The following RETREG1 variants were observed in gnomAD, a reference collection of about 807,000 sequenced individuals.
RETREG1 encodes the protein family with sequence similarity 134 member B.
RETREG1 carries 44 observed loss-of-function variants against 54.8 expected under a neutral mutation model. The ratio of observed to expected loss-of-function variants is 0.80; its 90% confidence interval spans 0.63 to 1.03. The LOEUF (loss-of-function observed/expected upper bound fraction) is 1.03. Ranked by LOEUF, RETREG1 falls within the 50% of genes least tolerant of loss-of-function variation. The pLI is 0.00. For synonymous variants in RETREG1, 217 were observed against 238.5 expected (o/e 0.91, Z 0.83); for missense variants, 554 against 605.1 (o/e 0.92, Z 0.89).
intron 3 of RETREG1, among the ~76,000 whole-genome samples, chr5:16,541,909 T>C (rs1167527928): frequency 6.6e-6 from 1 of 152,216 alleles, no homozygotes; most frequent in Non-Finnish European, 1.5e-5. Context: ...GGTTTTAGTC[T>C]TGTTTCCTAA....
intron 1 of RETREG1, among the ~76,000 whole-genome samples, chr5:16,586,996 G>C (rs1167877533): frequency 6.6e-6 from 1 of 152,196 alleles, no homozygotes; most frequent in Non-Finnish European, 1.5e-5. Context: ...CCATTCATGA[G>C]GGCTCCATCC....
At chr5:16,494,729 T>A (rs1159332506) in intron 3 of RETREG1, among the ~76,000 whole-genome samples, 2 of 152,218 alleles carry the variant, frequency 1.3e-5, no homozygotes, top group Non-Finnish European at 2.9e-5. Flanking sequence ...CTCTGGTATT[T>A]CTTTATAGCA....
At chr5:16,569,001 T>A (rs1044791803) in intron 2 of RETREG1, among the ~76,000 whole-genome samples, 2 of 152,140 alleles carry the variant, frequency 1.3e-5, no homozygotes, top group African/African-American at 4.8e-5. Context: ...AGCCGGGGCA[T>A]CTAACAAGAG....
At position 16,616,885 on chromosome 5, in the gene RETREG1, C is replaced by T. The variant is rs1028458629; in HGVS notation, c.87G>A (p.Pro29=). Residue 29 remains proline (P), a synonymous_variant, in exon 1 of 9, where the codon CCG becomes CCA. Transcript: ENST00000306320. ...AEEQAPPSPP[P]PQASPAERQQ... Reference sequence around the variant, plus strand: ...GCCGCTCTGCGGGGGATGCCTGGGGCGGTGGCGGCGACGGCGGCGCCTGCT... The same window carrying T: ...GCCGCTCTGCGGGGGATGCCTGGGGTGGTGGCGGCGACGGCGGCGCCTGCT... 2.7e-6 allele frequency: 4 copies of T among 1,485,114 alleles called. No homozygotes were observed. The highest frequency in any genetic ancestry group is 2.5e-5 in the South Asian group (2 of 78,906). 92.0% of individuals were successfully genotyped at this position (1,485,114 alleles called of 1,614,324 possible).
rs556174247 is a variant in RETREG1 at position 16,499,702 on chromosome 5, T to C, written c.459-16230A>G. Among the ~76,000 whole-genome samples, 7 of 152,346 alleles carry C rather than the reference T, an allele frequency of 4.6e-5. No individual in the cohort carries two copies. In the South Asian group the frequency reaches 1.0e-3, roughly 23 times the overall value. ...CGACACTCATTCACCACCACCACCATCATGTGTGGGTGTCTGCCCACCTCT... is the reference window on the plus strand; with the variant it reads ...CGACACTCATTCACCACCACCACCACCATGTGTGGGTGTCTGCCCACCTCT... On this transcript the variant is annotated intron_variant, in intron 3 of 8. Coordinates refer to ENST00000306320, the MANE Select transcript of RETREG1 (RefSeq NM_001034850.3).
At chr5:16,606,065 T>G (rs1006359143) in intron 1 of RETREG1, among the ~76,000 whole-genome samples, 3 of 150,998 alleles carry the variant, frequency 2.0e-5, no homozygotes, top group African/African-American at 7.3e-5. Context: ...AGAAATAGAG[T>G]GGATAGCCAT....
chr5:16,554,258 C>A (rs911976933), intron 3 of RETREG1, among the ~76,000 whole-genome samples: 1 of 152,244 alleles, frequency 6.6e-6, no homozygotes, highest in African/African-American at 2.4e-5. Context: ...ATTTCCGAGG[C>A]TGGAACCTCT....
intron 3 of RETREG1, among the ~76,000 whole-genome samples, chr5:16,516,861 G>A (rs1028786704): frequency 7.2e-4 from 109 of 152,122 alleles, no homozygotes; most frequent in Non-Finnish European, 2.1e-4. Context: ...AGAACCTTGG[G>A]AGGCAGAGTT....
At chr5:16,478,005 G>A in intron 7 of RETREG1, 29 bp downstream of exon 7, 1 of 1,564,910 alleles carries the variant, frequency 6.4e-7, no homozygotes, top group African/African-American at 1.4e-5. Flanking sequence ...AACCACACAG[G>A]AACAAATTGA....
intron 3 of RETREG1, among the ~76,000 whole-genome samples, chr5:16,538,019 T>A (rs1353198849): frequency 1.3e-5 from 2 of 152,214 alleles, no homozygotes; most frequent in Non-Finnish European, 2.9e-5. Context: ...CCCTTCATTT[T>A]ACTGTGGCCT....
chr5:16,554,231 C>G (rs1248911113), intron 3 of RETREG1, among the ~76,000 whole-genome samples: 1 of 152,224 alleles, frequency 6.6e-6, no homozygotes, highest in Non-Finnish European at 1.5e-5. Flanking sequence ...GGGCCCCCCA[C>G]CTGGAATGAT....
rs74869826 is a variant in RETREG1 at position 16,492,468 on chromosome 5, T to TA, written c.459-8997dup. 8.1e-3 allele frequency among the ~76,000 whole-genome samples: 1,078 copies of TA among 133,850 alleles called. 10 individuals are homozygous for TA. The highest frequency in any genetic ancestry group is 0.011 in the Middle Eastern group (3 of 268). The allele number at this position is 133,850 out of a possible 152,430, so 87.8% of individuals were successfully genotyped here. ...AGTCACCATTCCATATTGACAAACT[T>TA]AAAAAAAAAAAAAAAGGATTTGTTA... On this transcript the variant is annotated intron_variant, in intron 3 of 8. Coordinates refer to ENST00000306320, the MANE Select transcript of RETREG1 (RefSeq NM_001034850.3).
At chr5:16,547,204 T>C (rs1228728914) in intron 3 of RETREG1, among the ~76,000 whole-genome samples, 1 of 152,204 alleles carries the variant, frequency 6.6e-6, no homozygotes, top group East Asian at 1.9e-4. Flanking sequence ...AGCAGCTTTG[T>C]CAGAGACCGA....
At chr5:16,496,165 A>C in intron 3 of RETREG1, among the ~76,000 whole-genome samples, 1 of 152,212 alleles carries the variant, frequency 6.6e-6, no homozygotes, top group Non-Finnish European at 1.5e-5. Flanking sequence ...TACTCTCTCC[A>C]ATGCATTTGA....
At chr5:16,572,385 G>T (rs2126306224) in intron 1 of RETREG1, among the ~76,000 whole-genome samples, 1 of 152,078 alleles carries the variant, frequency 6.6e-6, no homozygotes, top group South Asian at 2.1e-4. Context: ...GCTCATTTTT[G>T]TATTTTTAGT....
intron 1 of RETREG1, among the ~76,000 whole-genome samples, chr5:16,587,638 T>G (rs1256491877): frequency 6.6e-6 from 1 of 152,344 alleles, no homozygotes; most frequent in East Asian, 1.9e-4. Context: ...TACCTGACCC[T>G]GTCCAGGGTC....
At chr5:16,504,658 CG>C (rs1285049820) in intron 3 of RETREG1, among the ~76,000 whole-genome samples, 67 of 152,258 alleles carry the variant, frequency 4.4e-4, no homozygotes, top group African/African-American at 1.5e-3. Flanking sequence ...CATATATGTA[CG>C]TATCTAACTG....
intron 3 of RETREG1, chr5:16,508,934 GC>G: frequency 8.4e-7 from 1 of 1,186,526 alleles, no homozygotes; most frequent in African/African-American, 1.6e-5. Context: ...CTGCCCAGCT[GC>G]CCCGCATTCT....
At chr5:16,562,200 A>G (rs186551622) in intron 3 of RETREG1, among the ~76,000 whole-genome samples, 2 of 152,188 alleles carry the variant, frequency 1.3e-5, no homozygotes, top group East Asian at 3.9e-4. Flanking sequence ...TTATAATCCC[A>G]GCTACTCGGG....
Sources: allele counts gnomAD v4.1 joint callset (sites outside exome capture counted in the v4.1 genomes callset), GRCh38; gene constraint gnomAD v4.1.1; transcripts MANE v1.5; gene names NCBI Gene and HGNC (gene_info 2026-07-23, HGNC 2026-07-21).